GPHN: variants seen among roughly 807,000 people sequenced by gnomAD.
GPHN encodes gephyrin.
Under a neutral mutation model 95.5 loss-of-function variants are expected in GPHN, and 17 were observed. The observed-to-expected ratio is 0.18, with a 90% CI of 0.12 to 0.27. The LOEUF is 0.27. GPHN is among the 10% of genes least tolerant of loss of function. The probability of loss-of-function intolerance (pLI) is 1.00; values close to 1 mark genes in which losing one functional copy is unlikely to be tolerated. For missense variants in GPHN, 660 were observed against 978.1 expected (o/e 0.67, Z 4.34); for synonymous variants, 320 against 322.5 (o/e 0.99, Z 0.08).
the GPHN span, among the ~76,000 whole-genome samples, chr14:67,208,720 A>G: frequency 3.9e-4 from 59 of 152,116 alleles, no homozygotes; most frequent in African/African-American, 1.1e-3. Context: ...AGATGGTGAA[A>G]CCCTGTCTCT....
At chr14:67,528,934 T>C in the GPHN span, among the ~76,000 whole-genome samples, 4 of 152,000 alleles carry the variant, frequency 2.6e-5, no homozygotes, top group African/African-American at 9.7e-5. Context: ...AGACATGAGG[T>C]TAGATTTGGA....
intron 3 of GPHN, among the ~76,000 whole-genome samples, chr14:66,789,734 C>T (rs998359769): frequency 6.6e-6 from 1 of 152,218 alleles, no homozygotes; most frequent in Non-Finnish European, 1.5e-5. Context: ...ATCAGCCCAT[C>T]CCCATGGGAA....
chr14:66,885,758 A>C lies in GPHN; in HGVS notation c.389+5725A>C, dbSNP rs182158745. Among the ~76,000 whole-genome samples the C allele has an allele frequency of 2.0e-4, 30 of 152,184 alleles. No individual in the cohort carries two copies. The East Asian group carries it at 5.0e-3, about 26-fold the overall frequency. On this transcript the variant is annotated intron_variant, in intron 5 of 22. Transcript: ENST00000478722. ...AAAGTCACTATGCATGCCCAGAGGAAAAGGCAGGCTGAGAAAAAGAGAAAG... is the reference window on the plus strand; with the variant it reads ...AAAGTCACTATGCATGCCCAGAGGACAAGGCAGGCTGAGAAAAAGAGAAAG...
At chr14:66,510,719 C>T (rs1381431880) in intron 1 of GPHN, among the ~76,000 whole-genome samples, 1 of 152,140 alleles carries the variant, frequency 6.6e-6, no homozygotes, top group Non-Finnish European at 1.5e-5. Flanking sequence ...TGAAAGTCAG[C>T]AGCCACTTTA....
chr14:67,733,716 T>C, the GPHN span: 2 of 1,464,642 alleles, frequency 1.4e-6, no homozygotes. Flanking sequence ...TTCTCATTCC[T>C]GGAATTTACT....
chr14:67,704,148 G>A, the GPHN span, among the ~76,000 whole-genome samples: 1 of 152,130 alleles, frequency 6.6e-6, no homozygotes, highest in Non-Finnish European at 1.5e-5. Flanking sequence ...TTGAGGGAAG[G>A]AAATGTGTGT....
the GPHN span, among the ~76,000 whole-genome samples, chr14:67,638,485 A>C: frequency 2.6e-5 from 4 of 152,212 alleles, 1 homozygote; most frequent in Non-Finnish European, 5.9e-5. Context: ...ATTTCAAAAC[A>C]AAACAGTGCA....
At chr14:67,692,442 T>G in the GPHN span, 5 of 1,614,052 alleles carry the variant, frequency 3.1e-6, no homozygotes, top group Non-Finnish European at 3.4e-6. Flanking sequence ...ACTTACCAGC[T>G]AAGAAGCCCT....
At chr14:67,225,530 A>G in the GPHN span, among the ~76,000 whole-genome samples, 1 of 152,150 alleles carries the variant, frequency 6.6e-6, no homozygotes, top group Non-Finnish European at 1.5e-5. Context: ...TACCATAGCG[A>G]TTCTTCTCAT....
chr14:67,285,790 G>T, the GPHN span, among the ~76,000 whole-genome samples: 8 of 152,142 alleles, frequency 5.3e-5, no homozygotes, highest in Non-Finnish European at 1.2e-4. Context: ...GCTTTCTGTT[G>T]CCTGTTTCAG....
intron 3 of GPHN, among the ~76,000 whole-genome samples, chr14:66,810,373 A>C (rs969089577): frequency 8.6e-5 from 13 of 151,662 alleles, no homozygotes; most frequent in Non-Finnish European, 1.5e-5. Context: ...TTTTTTGTTA[A>C]AGATTTTTAA....
the GPHN span, among the ~76,000 whole-genome samples, chr14:67,331,681 A>G: frequency 2.0e-5 from 3 of 152,228 alleles, no homozygotes; most frequent in Admixed American, 6.5e-5. Context: ...ATTTTGGCAC[A>G]AAATGGAATA....
At chr14:67,172,204 C>G (rs2082638365) in intron 21 of GPHN, among the ~76,000 whole-genome samples, 1 of 152,134 alleles carries the variant, frequency 6.6e-6, no homozygotes, top group Admixed American at 6.5e-5. Context: ...GCTGTTACAA[C>G]TTTCCCAGTG....
chr14:66,918,075 C>T (rs1001378877), intron 6 of GPHN, among the ~76,000 whole-genome samples: 3 of 152,192 alleles, frequency 2.0e-5, no homozygotes, highest in Non-Finnish European at 2.9e-5. Context: ...AATTTACTAG[C>T]ATTCATGGAA....
At chr14:67,355,749 T>C in the GPHN span, among the ~76,000 whole-genome samples, 3 of 151,630 alleles carry the variant, frequency 2.0e-5, no homozygotes, top group Non-Finnish European at 4.4e-5. Flanking sequence ...ATGTCTATAA[T>C]CAGCACTTTG....
chr14:67,673,509 C>T, the GPHN span, among the ~76,000 whole-genome samples: 1 of 152,140 alleles, frequency 6.6e-6, no homozygotes, highest in Non-Finnish European at 1.5e-5. Context: ...CTGTAATTTG[C>T]AATATTCACC....
At chr14:66,705,808 CT>C (rs2069022447) in intron 2 of GPHN, among the ~76,000 whole-genome samples, 1 of 152,144 alleles carries the variant, frequency 6.6e-6, no homozygotes, top group Non-Finnish European at 1.5e-5. Flanking sequence ...ATTGTAAGTT[CT>C]GGCCAGGGCA....
At chr14:67,323,615 A>AATATATATATATATATATATATATAT in the GPHN span, 33 of 260,270 alleles carry the variant, frequency 1.3e-4, no homozygotes, top group Admixed American at 3.5e-4. Context: ...CCCTTAATCT[A>AATATATATATATATATATATATATAT]ATATATATAT....
At chr14:67,576,311 G>A in the GPHN span, 5 of 743,524 alleles carry the variant, frequency 6.7e-6, no homozygotes, top group Non-Finnish European at 1.1e-5. This position sits in a 1 kb window ranked among gnomAD's most constrained non-coding sequence, Gnocchi z 4.0. Context: ...CATGGGCTTG[G>A]TCCCTTCAAG....
Sources: allele counts gnomAD v4.1 joint callset (sites outside exome capture counted in the v4.1 genomes callset), GRCh38; gene constraint gnomAD v4.1.1; non-coding constraint Gnocchi (gnomAD v3.1); transcripts MANE v1.5; gene names NCBI Gene and HGNC (gene_info 2026-07-23, HGNC 2026-07-21).